The following LARP1B variants were observed in gnomAD, a reference collection of about 807,000 sequenced individuals.
LARP1B encodes la-related protein 1B.
Under a neutral mutation model 114.2 loss-of-function variants are expected in LARP1B, and 76 were observed. That is an observed-to-expected ratio of 0.67 (90% CI 0.55 to 0.81). The LOEUF is 0.81. Ranked by LOEUF, LARP1B falls within the 30% of genes least tolerant of loss-of-function variation. The pLI is 0.00. For synonymous variants in LARP1B, 345 were observed against 348.0 expected (o/e 0.99, Z 0.10); for missense variants, 1,014 against 1,075.8 (o/e 0.94, Z 0.80).
In LARP1B at chr4:128,138,983, A is replaced by G. The variant is rs190037003; in HGVS notation, c.1524+16795A>G. On this transcript the variant is annotated intron_variant, in intron 11 of 19. Transcript: ENST00000326639. The stretch of plus-strand genomic sequence containing the variant: ...ATAATAATAATTTAAAAAGGTCTAA[A>G]CAATATTTTAGTAAACCAAATATAG... Among the ~76,000 whole-genome samples the G allele has an allele frequency of 1.6e-4, 25 of 152,214 alleles. 1 individual carries two copies. The highest frequency in any genetic ancestry group is 1.6e-3 in the Admixed American group (24 of 15,280).
intron 19 of LARP1B, among the ~76,000 whole-genome samples, chr4:128,209,581 C>A (rs1758550326): frequency 6.6e-6 from 1 of 152,026 alleles, no homozygotes; most frequent in African/African-American, 2.4e-5. Flanking sequence ...AAGTTTAGTA[C>A]CTTAAGTTGC....
At chr4:128,107,102 T>C (rs766040972) in intron 8 of LARP1B, 37 bp from the exon 9 acceptor site, 4 of 1,552,642 alleles carry the variant, frequency 2.6e-6, no homozygotes, top group Non-Finnish European at 2.7e-6. Context: ...GACAGTGAAA[T>C]AGCTCATAAT....
chr4:128,211,768 A>T lies in LARP1B; in HGVS notation c.*1715A>T. The T allele has an allele frequency of 1.1e-6, 1 of 914,774 alleles. No individual in the cohort carries two copies. The highest frequency in any genetic ancestry group is 1.2e-4 in the East Asian group (1 of 8,520). The allele number at this position is 914,774 out of a possible 1,614,324, so 56.7% of individuals were successfully genotyped here. On this transcript the variant is annotated 3_prime_UTR_variant, in exon 20 of 20. Coordinates refer to ENST00000326639, the MANE Select transcript of LARP1B (RefSeq NM_018078.4). ...TTGAACACATATATCTGAAACCTGT[A>T]TTTAACCAGATATTTCTACTCAACT...
At chr4:128,110,381 C>T (rs1012982156) in intron 9 of LARP1B, among the ~76,000 whole-genome samples, 11 of 150,852 alleles carry the variant, frequency 7.3e-5, no homozygotes, top group African/African-American at 2.4e-4. Flanking sequence ...ACCCTTAATC[C>T]GTTCAGATGT....
At chr4:128,081,072 A>G (rs1275574299) in intron 4 of LARP1B, among the ~76,000 whole-genome samples, 2 of 135,980 alleles carry the variant, frequency 1.5e-5, no homozygotes, top group African/African-American at 5.3e-5. Context: ...TGTTATGTAT[A>G]TATACTTTTT....
intron 1 of LARP1B, chr4:128,062,097 C>T (rs967986416): frequency 1.0e-6 from 1 of 985,404 alleles, no homozygotes; most frequent in East Asian, 1.1e-4. Context: ...GCTGGCCCTG[C>T]GGAAAAGCGG....
At chr4:128,117,037 G>A (rs1013738954) in intron 10 of LARP1B, among the ~76,000 whole-genome samples, 3 of 150,742 alleles carry the variant, frequency 2.0e-5, no homozygotes, top group Admixed American at 6.6e-5. Flanking sequence ...TCAGCCTACC[G>A]AGCAGCTGGG....
Position 128,180,712 on chromosome 4 carries a change from A to G in LARP1B, c.2003+1200A>G, listed in dbSNP as rs79560021. Reference sequence around the variant, plus strand: ...TTTGGGAATTATGAATAAAGCTGCTATAAACATCTATGTAAAGGTTTTAGT... The same window carrying G: ...TTTGGGAATTATGAATAAAGCTGCTGTAAACATCTATGTAAAGGTTTTAGT... On this transcript the variant is annotated intron_variant, in intron 15 of 19. Coordinates refer to ENST00000326639, the MANE Select transcript of LARP1B (RefSeq NM_018078.4). Among the ~76,000 whole-genome samples the G allele has an allele frequency of 2.7e-3, 416 of 152,378 alleles. 4 individuals carry two copies. Among genetic ancestry groups the G allele is most frequent in the African/African-American group, 9.7e-3 (402 of 41,598 alleles).
chr4:128,183,702 T>A (rs114012868), intron 15 of LARP1B, among the ~76,000 whole-genome samples: 90 of 152,344 alleles, frequency 5.9e-4, no homozygotes, highest in Middle Eastern at 3.4e-3. Flanking sequence ...TTCATAAGGC[T>A]ATAGCTGCCA....
At chr4:128,095,582 C>T (rs949681754) in intron 7 of LARP1B, among the ~76,000 whole-genome samples, 8 of 151,468 alleles carry the variant, frequency 5.3e-5, no homozygotes, top group African/African-American at 1.9e-4. Flanking sequence ...GAGCTTTGCA[C>T]TCTGACAATT....
At position 128,086,502 on chromosome 4, in the gene LARP1B, A is replaced by AT. The variant is rs1336431734; in HGVS notation, c.358+4204dup. 4.0e-5 allele frequency among the ~76,000 whole-genome samples: 6 copies of AT among 151,592 alleles called. No homozygotes were observed. In the South Asian group the frequency reaches 8.3e-4, roughly 21 times the overall value. On this transcript the variant is annotated intron_variant, in intron 5 of 19. Transcript: ENST00000326639. Reference sequence around the variant, plus strand: ...CACAACAGTACCTGGCTAATTTTGTATTTTTTTGTAGAGATGGGGTTTCCC... The same window carrying AT: ...CACAACAGTACCTGGCTAATTTTGTATTTTTTTTGTAGAGATGGGGTTTCCC...
intron 11 of LARP1B, among the ~76,000 whole-genome samples, chr4:128,132,922 T>A (rs1792030172): frequency 6.7e-6 from 1 of 149,460 alleles, no homozygotes; most frequent in Non-Finnish European, 1.5e-5. Flanking sequence ...CATCTGGGGG[T>A]GATGGGAGAC....
intron 3 of LARP1B, among the ~76,000 whole-genome samples, chr4:128,076,214 A>G (rs1192488985): frequency 6.6e-6 from 1 of 152,074 alleles, no homozygotes; most frequent in Non-Finnish European, 1.5e-5. Context: ...GGGTTTCGCC[A>G]TGTTGGTCTC....
Position 128,179,444 on chromosome 4 carries a change from C to G in LARP1B, c.1935C>G (p.Pro645=). 1 of 1,610,584 alleles carries G rather than the reference C, an allele frequency of 6.2e-7. No homozygotes were observed. The highest frequency in any genetic ancestry group is 1.1e-5 in the South Asian group (1 of 90,258). The change falls in exon 15 of 20, where the codon CCC becomes CCG. Residue 645 remains proline, a synonymous_variant. Transcript: ENST00000326639. ...RKRKTRHSTN[P]PLECHVGWVM... is the part of the protein sequence containing the mutation. ...GAAAAACAAGGCATAGCACAAATCC[C>G]CCTCTAGAGTGTCATGTTGGTTGGG...
chr4:128,155,571 C>G (rs1261297939), intron 11 of LARP1B: 4 of 831,322 alleles, frequency 4.8e-6, no homozygotes, highest in Non-Finnish European at 8.6e-6. Context: ...TTCTGGGGCC[C>G]AGCAGTTGCC....
At chr4:128,142,510 CTTT>C (rs34035043) in intron 11 of LARP1B, among the ~76,000 whole-genome samples, 7 of 140,980 alleles carry the variant, frequency 5.0e-5, no homozygotes, top group East Asian at 2.1e-4. Context: ...ATATTTCTTT[CTTT>C]TTTTTTTTTT....
intron 1 of LARP1B, among the ~76,000 whole-genome samples, chr4:128,071,228 A>G (rs1272168352): frequency 2.0e-5 from 3 of 150,908 alleles, no homozygotes; most frequent in African/African-American, 4.9e-5. Flanking sequence ...TTGTATTTTT[A>G]ATGGAGACGG....
At chr4:128,124,607 C>G (rs1788979382) in intron 11 of LARP1B, among the ~76,000 whole-genome samples, 2 of 152,122 alleles carry the variant, frequency 1.3e-5, no homozygotes, top group Admixed American at 1.3e-4. Flanking sequence ...AGTGTGACAT[C>G]TAATTTTTAT....
At chr4:128,213,917 A>G (rs1759306291), downstream of LARP1B, among the ~76,000 whole-genome samples, 1 of 151,932 alleles carries the variant, frequency 6.6e-6, no homozygotes, top group African/African-American at 2.4e-5. Flanking sequence ...AGGGAGTGCC[A>G]GACAGTGGGC....
Sources: gnomAD v4.1 joint callset for allele counts (sites outside exome capture counted in the v4.1 genomes callset) on GRCh38, gnomAD v4.1.1 for gene constraint, MANE v1.5 for transcripts, NCBI Gene and HGNC (gene_info 2026-07-23, HGNC 2026-07-21) for gene names.